Variants in FAT3 observed in about 807,000 individuals in gnomAD.
The protein encoded by FAT3 is protocadherin Fat 3.
A neutral mutation model predicts 310.2 loss-of-function variants in FAT3; 95 were observed. The ratio of observed to expected loss-of-function variants is 0.31; its 90% CI spans 0.26 to 0.36. The LOEUF is 0.36. Among genes scored for constraint, FAT3 ranks in the 10% least tolerant of loss-of-function variants. FAT3 has a pLI of 1.00. For missense variants in FAT3, 5,408 were observed against 5,715.6 expected, an observed-to-expected ratio of 0.95 and a Z score of 1.74; for synonymous variants, 2,314 against 2,192.9, an observed-to-expected ratio of 1.06 and a Z score of -1.54.
At chr11:92,736,480 T>C (rs1333120634) in intron 4 of FAT3, among the ~76,000 whole-genome samples, 36 of 152,120 alleles carry the variant, frequency 2.4e-4, no homozygotes, top group Admixed American at 2.4e-3. Context: ...AGTAGAAGAA[T>C]GGCATTTGGG....
intron 1 of FAT3, among the ~76,000 whole-genome samples, chr11:92,328,759 G>T (rs978834842): frequency 3.9e-5 from 6 of 152,148 alleles, no homozygotes; most frequent in African/African-American, 1.4e-4. Context: ...ATAAAACATC[G>T]ATTACCACCT....
intron 1 of FAT3, among the ~76,000 whole-genome samples, chr11:92,313,536 C>T (rs907681430): frequency 6.6e-6 from 1 of 152,058 alleles, no homozygotes; most frequent in South Asian, 2.1e-4. Flanking sequence ...GATTGTTGTA[C>T]CTCAAACCCA....
chr11:92,730,296 C>G (rs1334795637), intron 4 of FAT3, among the ~76,000 whole-genome samples: 2 of 152,074 alleles, frequency 1.3e-5, no homozygotes, highest in African/African-American at 4.8e-5. Flanking sequence ...CATGATCACA[C>G]CACTGTACTT....
chr11:92,293,698 T>C (rs1946772418), intron 1 of FAT3, among the ~76,000 whole-genome samples: 1 of 151,612 alleles, frequency 6.6e-6, no homozygotes, highest in Non-Finnish European at 1.5e-5. Context: ...GGAGGTCTTC[T>C]AGCCCTCATA....
intron 2 of FAT3, among the ~76,000 whole-genome samples, chr11:92,381,246 A>T (rs867681384): frequency 9.2e-5 from 14 of 152,346 alleles, no homozygotes; most frequent in Middle Eastern, 3.4e-3. Flanking sequence ...GCAGTGGCTC[A>T]CGCCTGTAAT....
chr11:92,442,111 A>ATATATATTTTTTTTTT (rs1453396603), intron 2 of FAT3, among the ~76,000 whole-genome samples: 5 of 45,216 alleles, frequency 1.1e-4, no homozygotes, highest in African/African-American at 9.1e-4. Flanking sequence ...ATATATATAT[A>ATATATATTTTTTTTTT]TTTTTTTTTT....
chr11:92,868,313 C>A (rs1363325827), intron 22 of FAT3, among the ~76,000 whole-genome samples: 1 of 152,160 alleles, frequency 6.6e-6, no homozygotes, highest in Non-Finnish European at 1.5e-5. Context: ...GTTGTTTAGA[C>A]TTGCATATGT....
chr11:92,297,472 G>A (rs1946879574), intron 1 of FAT3, among the ~76,000 whole-genome samples: 1 of 151,964 alleles, frequency 6.6e-6, no homozygotes, highest in African/African-American at 2.4e-5. Flanking sequence ...TTATTATTCT[G>A]ACCATCAAAT....
chr11:92,297,189 A>G (rs1946871235), intron 1 of FAT3, among the ~76,000 whole-genome samples: 2 of 151,976 alleles, frequency 1.3e-5, no homozygotes. Flanking sequence ...GCCCTCCTTA[A>G]ATTCCTGTTC....
In FAT3 at chr11:92,638,942, C is replaced by A. The variant is rs144151544; in HGVS notation, c.3608-58442C>A. On this transcript the variant is annotated intron_variant, in intron 3 of 27. Coordinates refer to ENST00000525166, the MANE Select transcript of FAT3 (RefSeq NM_001367949.2). ...GAGCCCCTACTAATCTCATATAAGC[C>A]ATGTCTGACTAAGAAAATTCAGATT... 3.8e-3 allele frequency among the ~76,000 whole-genome samples: 586 copies of A among 152,228 alleles called. 4 individuals carry two copies. Among genetic ancestry groups the A allele is most frequent in the African/African-American group, 0.013 (555 of 41,522 alleles).
At chr11:92,618,410 C>T (rs1940922324) in intron 3 of FAT3, among the ~76,000 whole-genome samples, 1 of 152,158 alleles carries the variant, frequency 6.6e-6, no homozygotes, top group Non-Finnish European at 1.5e-5. Flanking sequence ...AAGGGAATTC[C>T]CTGACCCCTT....
chr11:92,384,944 A>G lies in FAT3; in HGVS notation c.3292+29540A>G, dbSNP rs189810196. Among the ~76,000 whole-genome samples the G allele has an allele frequency of 3.3e-3, 507 of 152,284 alleles. 1 individual carries two copies. Among genetic ancestry groups the G allele is most frequent in the Non-Finnish European group, 5.6e-3 (381 of 68,024 alleles). ...GGATGGGAAGGCTGGGTTTCTGTAA[A>G]TGTGGGTCAGTCATGTGATTAAGTG... On this transcript the variant is annotated intron_variant, in intron 2 of 27. Transcript: ENST00000525166.
At chr11:92,671,106 G>A (rs1214135527) in intron 3 of FAT3, among the ~76,000 whole-genome samples, 2 of 151,750 alleles carry the variant, frequency 1.3e-5, no homozygotes, top group African/African-American at 4.8e-5. Flanking sequence ...GTGCGGTGGT[G>A]CAATCTCTGC....
chr11:92,658,623 C>T (rs528506528), intron 3 of FAT3, among the ~76,000 whole-genome samples: 2 of 152,166 alleles, frequency 1.3e-5, no homozygotes, highest in Admixed American at 1.3e-4. Flanking sequence ...TTGCTGCCTC[C>T]CTAGAGGCTG....
At chr11:92,672,115 G>C (rs1234707357) in intron 3 of FAT3, among the ~76,000 whole-genome samples, 1 of 151,996 alleles carries the variant, frequency 6.6e-6, no homozygotes, top group Middle Eastern at 3.2e-3. Context: ...GCAAAACTCT[G>C]TCTCAAATAA....
At chr11:92,255,960 A>C (rs563022368) in intron 1 of FAT3, among the ~76,000 whole-genome samples, 1 of 152,116 alleles carries the variant, frequency 6.6e-6, no homozygotes, top group African/African-American at 2.4e-5. Context: ...GGTGACATCT[A>C]CCCCATGACA....
chr11:92,694,290 A>G (rs1943876564), intron 3 of FAT3, among the ~76,000 whole-genome samples: 1 of 152,106 alleles, frequency 6.6e-6, no homozygotes, highest in South Asian at 2.1e-4. Flanking sequence ...CTTTTATTTC[A>G]TATCTATGAA....
chr11:92,839,631 G>A (rs1356725405), intron 17 of FAT3, among the ~76,000 whole-genome samples: 1 of 152,170 alleles, frequency 6.6e-6, no homozygotes. Flanking sequence ...AAACTGTAGT[G>A]TATCATCGTC....
At chr11:92,625,842 T>C (rs1048073796) in intron 3 of FAT3, among the ~76,000 whole-genome samples, 3 of 152,062 alleles carry the variant, frequency 2.0e-5, no homozygotes, top group African/African-American at 7.2e-5. Flanking sequence ...TTTGAAACAC[T>C]GGGTCCTATT....
Sources: gnomAD v4.1 joint callset for allele counts (sites outside exome capture counted in the v4.1 genomes callset) on GRCh38, gnomAD v4.1.1 for gene constraint, MANE v1.5 for transcripts, NCBI Gene and HGNC (gene_info 2026-07-23, HGNC 2026-07-21) for gene names.